Variants in FBN2 observed in about 807,000 individuals in gnomAD.
FBN2 encodes the protein fibrillin-2.
Under a neutral mutation model 355.6 loss-of-function variants are expected in FBN2, and 105 were observed. The observed-to-expected ratio is 0.30, with a 90% confidence interval of 0.25 to 0.35. The LOEUF (loss-of-function observed/expected upper bound fraction) is 0.35, where lower values mean the gene tolerates loss of function less well. FBN2 is among the 10% of genes least tolerant of loss of function. The pLI is 1.00. For synonymous variants in FBN2, 1,350 were observed against 1,301.2 expected, an observed-to-expected ratio of 1.04 and a Z score of -0.81; for missense variants, 3,280 against 3,758.7, an observed-to-expected ratio of 0.87 and a Z score of 3.33.
At chr5:128,367,160 A>G (rs1751794102) in intron 16 of FBN2, among the ~76,000 whole-genome samples, 1 of 152,184 alleles carries the variant, frequency 6.6e-6, no homozygotes, top group Non-Finnish European at 1.5e-5. Context: ...ATAGTCTCTT[A>G]CAAGTAAAAC....
intron 34 of FBN2, among the ~76,000 whole-genome samples, chr5:128,320,322 C>G (rs1190843970): frequency 2.0e-5 from 3 of 151,972 alleles, no homozygotes; most frequent in African/African-American, 7.3e-5. Flanking sequence ...TCAAGCAATC[C>G]TCCCCCTTCA....
intron 48 of FBN2, among the ~76,000 whole-genome samples, chr5:128,296,576 G>C (rs1452545324): frequency 6.6e-6 from 1 of 152,014 alleles, no homozygotes; most frequent in African/African-American, 2.4e-5. Context: ...GAGAGTGTAT[G>C]TGTCAAGGAA....
At chr5:128,298,196 C>T (rs1034312922) in intron 48 of FBN2, among the ~76,000 whole-genome samples, 165 of 151,940 alleles carry the variant, frequency 1.1e-3, no homozygotes, top group Non-Finnish European at 2.0e-3. Flanking sequence ...GAGTTTCTGC[C>T]GAGAGATCCG....
rs139982119 is a variant in FBN2, at chr5:128,330,440, T to C, written c.4345+133A>G. On this transcript the variant is annotated intron_variant, in intron 33 of 64. Transcript: ENST00000262464. Reference sequence around the variant, plus strand: ...TTTAATGTAAGAGAAAGATACATAGTCACCTGCAAGTCAAGTATAAAAAAA... The same window carrying C: ...TTTAATGTAAGAGAAAGATACATAGCCACCTGCAAGTCAAGTATAAAAAAA... The C allele has an allele frequency of 2.4e-3, 2,101 of 859,978 alleles. 7 individuals carry two copies. The highest frequency in any genetic ancestry group is 2.8e-3 in the Non-Finnish European group (1,484 of 524,918). 53.3% of individuals were successfully genotyped at this position (859,978 alleles called of 1,614,324 possible). A position where few individuals can be genotyped will look rare whatever the true frequency, so the allele number is the denominator to read the frequency against.
At chr5:128,506,374 G>A (rs1755961206) in intron 5 of FBN2, among the ~76,000 whole-genome samples, 1 of 151,970 alleles carries the variant, frequency 6.6e-6, no homozygotes, top group South Asian at 2.1e-4. Flanking sequence ...TCAGCACATG[G>A]GCTTCTGCAT....
chr5:128,348,075 C>G (rs1424424054), intron 23 of FBN2, among the ~76,000 whole-genome samples: 1 of 152,180 alleles, frequency 6.6e-6, no homozygotes, highest in Non-Finnish European at 1.5e-5. Context: ...GCGTAAGCCA[C>G]CACTCCCAGC....
intron 48 of FBN2, among the ~76,000 whole-genome samples, chr5:128,300,203 C>G (rs577375543): frequency 2.0e-5 from 3 of 152,122 alleles, no homozygotes; most frequent in African/African-American, 7.2e-5. Flanking sequence ...TGAATTTCAA[C>G]AAGGCTGTAA....
rs185355665 is a variant in FBN2 at position 128,394,704 on chromosome 5, C to T, written c.1231+418G>A. On this transcript the variant is annotated intron_variant, in intron 9 of 64. Coordinates refer to ENST00000262464, the MANE Select transcript of FBN2 (RefSeq NM_001999.4). ...CTGATCCTAAATAACAATGCTATCA[C>T]ACTCCCCACAAAAACACTCAAGTCA... Among the ~76,000 whole-genome samples, 19 of 152,290 alleles carry T rather than the reference C, an allele frequency of 1.2e-4. No individual in the cohort carries two copies. In the East Asian group the frequency reaches 2.9e-3, roughly 23 times the overall value.
chr5:128,480,645 G>A (rs74875246), intron 5 of FBN2, among the ~76,000 whole-genome samples: 2 of 152,170 alleles, frequency 1.3e-5, no homozygotes, highest in Admixed American at 6.5e-5. Flanking sequence ...GGGAGGCAGA[G>A]GTTGCAGTGA....
At position 128,370,704 on chromosome 5, in the gene FBN2, T is replaced by C. The variant is rs371115413; in HGVS notation, c.2096-1370A>G. The stretch of plus-strand genomic sequence containing the variant: ...GGCATCTATGAACAGCCAAAGTTAT[T>C]TCTGCTTTTGGGTTTAGAGCATATG... On this transcript the variant is annotated intron_variant, in intron 15 of 64. Transcript: ENST00000262464. Among the ~76,000 whole-genome samples, 158 of 152,256 alleles carry C rather than the reference T, an allele frequency of 1.0e-3. 1 individual carries two copies. The highest frequency in any genetic ancestry group is 3.8e-3 in the African/African-American group (156 of 41,554).
chr5:128,301,304 A>T, intron 47 of FBN2, 78 bp downstream of exon 47: 1 of 1,240,888 alleles, frequency 8.1e-7, no homozygotes, highest in Non-Finnish European at 1.2e-6. Context: ...ATGAGTTCTT[A>T]AGTGAAAGGA....
chr5:128,385,565 T>C (rs1475916115), intron 11 of FBN2, among the ~76,000 whole-genome samples: 2 of 152,094 alleles, frequency 1.3e-5, no homozygotes, highest in Admixed American at 6.6e-5. Context: ...TTCCTTTGGG[T>C]GTATACCCAG....
chr5:128,536,440 C>G lies in FBN2; in HGVS notation c.299G>C (p.Gly100Ala). The change falls in exon 2 of 65, where the codon GGA becomes GCA. Residue 100 changes from glycine to alanine, a missense_variant. Physicochemically the swap from Gly to Ala is moderately conservative, Grantham distance 60. Coordinates refer to ENST00000262464, the MANE Select transcript of FBN2 (RefSeq NM_001999.4). ...GTTTCCTCCAGGGAGCGTCTTCCAT[C>G]CAGGGCAGCAGTAGGAGTGGAATCT... ...GSRFHSYCCP[G>A]WKTLPGGNQC... 6.2e-7 allele frequency: 1 copy of G among 1,614,102 alleles called. No individual in the cohort carries two copies. The highest frequency in any genetic ancestry group is 8.5e-7 in the Non-Finnish European group (1 of 1,180,004).
At position 128,303,033 on chromosome 5, in the gene FBN2, C is replaced by T; in HGVS notation, c.5857G>A (p.Gly1953Arg). The T allele has an allele frequency of 6.2e-7, 1 of 1,613,074 alleles. No homozygotes were observed. Residue 1953 changes from glycine to arginine, a missense_variant, in exon 46 of 65, where the codon GGA (glycine) becomes AGA (arginine). This residue lies in a region of FBN2 where 2,284 missense variants were observed against 2,749.5 expected (regional missense o/e 0.83). Coordinates refer to ENST00000262464, the MANE Select transcript of FBN2 (RefSeq NM_001999.4). Reference sequence around the variant, plus strand: ...GGGTAGCACAGACAGTTATAGGATCCAACGGTGTTTTTACAAGTTCCATTT... The same window carrying T: ...GGGTAGCACAGACAGTTATAGGATCTAACGGTGTTTTTACAAGTTCCATTT... ...CGNGTCKNTV[G>R]SYNCLCYPGF...
intron 8 of FBN2, among the ~76,000 whole-genome samples, chr5:128,404,690 T>G (rs989548): frequency 0.065 from 9,825 of 152,272 alleles, 431 homozygotes; most frequent in Non-Finnish European, 0.093. Flanking sequence ...CCAGGGTCCA[T>G]GAAGCTGCAT....
chr5:128,480,203 G>A (rs182507541), intron 5 of FBN2, among the ~76,000 whole-genome samples: 78 of 146,102 alleles, frequency 5.3e-4, no homozygotes, highest in African/African-American at 1.9e-3. Flanking sequence ...TAATAATGAG[G>A]TGAAGCATCT....
chr5:128,398,478 C>CT (rs1483577857), intron 8 of FBN2, among the ~76,000 whole-genome samples: 4 of 151,618 alleles, frequency 2.6e-5, no homozygotes, highest in African/African-American at 9.7e-5. Context: ...TAGGAACAGA[C>CT]TTAAAAGAGA....
intron 20 of FBN2, among the ~76,000 whole-genome samples, chr5:128,355,286 A>G (rs1019765019): frequency 4.6e-5 from 7 of 152,286 alleles, no homozygotes; most frequent in African/African-American, 1.7e-4. Flanking sequence ...GACCCAAGCC[A>G]AAGATGAGGG....
chr5:128,524,732 A>G (rs1453395092), intron 4 of FBN2, among the ~76,000 whole-genome samples: 1 of 152,146 alleles, frequency 6.6e-6, no homozygotes, highest in Admixed American at 6.6e-5. Flanking sequence ...CTGGTAATCT[A>G]TTAGTTATCA....
Sources: allele counts gnomAD v4.1 joint callset (sites outside exome capture counted in the v4.1 genomes callset), GRCh38; gene constraint gnomAD v4.1.1; regional missense constraint gnomAD v4.1.1; transcripts MANE v1.5; gene names NCBI Gene and HGNC (gene_info 2026-07-23, HGNC 2026-07-21).